Variants in DNAJC16 observed in about 807,000 individuals in gnomAD.
The protein encoded by DNAJC16 is dnaJ homolog subfamily C member 16.
In DNAJC16, 76 loss-of-function variants were observed where a neutral mutation model predicts 92.7. The observed-to-expected ratio is 0.82, with a 90% CI of 0.68 to 0.99. The LOEUF (loss-of-function observed/expected upper bound fraction) is 0.99, where lower values mean the gene tolerates loss of function less well. DNAJC16 is among the 50% of genes least tolerant of loss of function. The pLI is 0.00. For synonymous variants in DNAJC16, 328 were observed against 358.7 expected, an observed-to-expected ratio of 0.91 and a Z score of 0.97; for missense variants, 869 against 942.4, an observed-to-expected ratio of 0.92 and a Z score of 1.02.
At chr1:15,566,367 G>A (rs1638808115) in intron 13 of DNAJC16, 187 bp downstream of exon 13, 1 of 574,548 alleles carries the variant, frequency 1.7e-6, no homozygotes. Flanking sequence ...GTGTTTAGAT[G>A]CCTTAGATTT....
At chr1:15,555,917 G>GA (rs1638559389) in intron 7 of DNAJC16, among the ~76,000 whole-genome samples, 1 of 151,352 alleles carries the variant, frequency 6.6e-6, no homozygotes, top group African/African-American at 2.4e-5. Flanking sequence ...CTTGAACCCA[G>GA]GAGGCGGAGG....
Position 15,568,441 on chromosome 1 carries a change from C to A in DNAJC16, c.*264C>A. 1 of 523,844 alleles carries A rather than the reference C, an allele frequency of 1.9e-6. No homozygotes were observed. Among genetic ancestry groups the A allele is most frequent in the South Asian group, 3.3e-5 (1 of 30,722 alleles). The allele number at this position is 523,844 out of a possible 1,614,324, so 32.4% of individuals were successfully genotyped here. A position where few individuals can be genotyped will look rare whatever the true frequency, so the allele number is the denominator to read the frequency against. Reference sequence around the variant, plus strand: ...GCCACACCATTGAAAATAGACTGCTCATCCCCTCTTCCTTTCTTGTCCTTG... The same window carrying A: ...GCCACACCATTGAAAATAGACTGCTAATCCCCTCTTCCTTTCTTGTCCTTG... On this transcript the variant is annotated 3_prime_UTR_variant, in exon 15 of 15. Coordinates refer to ENST00000375847, the MANE Select transcript of DNAJC16 (RefSeq NM_015291.4).
chr1:15,566,283 C>G lies in DNAJC16; in HGVS notation c.1778+103C>G, dbSNP rs928757160. Reference sequence around the variant, plus strand: ...AACATAGAGTGTAGAGAAGAACTCTCATGCACCTCCTCCCATGTAAACTGT... The same window carrying G: ...AACATAGAGTGTAGAGAAGAACTCTGATGCACCTCCTCCCATGTAAACTGT... On this transcript the variant is annotated intron_variant, in intron 13 of 14. Coordinates refer to ENST00000375847, the MANE Select transcript of DNAJC16 (RefSeq NM_015291.4). The G allele has an allele frequency of 5.7e-5, 51 of 901,740 alleles. No individual in the cohort carries two copies. In the African/African-American group the frequency reaches 7.2e-4, roughly 13 times the overall value. The allele number at this position is 901,740 out of a possible 1,614,324, so 55.9% of individuals were successfully genotyped here.
intron 3 of DNAJC16, 50 bp from the exon 4 acceptor site, chr1:15,536,425 C>A: frequency 1.4e-6 from 2 of 1,458,554 alleles, no homozygotes; most frequent in African/African-American, 1.4e-5. Flanking sequence ...ACAAAAAAGT[C>A]TTTTGGATGA....
chr1:15,534,052 G>A (rs765530940), intron 2 of DNAJC16, among the ~76,000 whole-genome samples, 185 bp from the exon 3 acceptor site: 10 of 152,114 alleles, frequency 6.6e-5, no homozygotes, highest in African/African-American at 1.2e-4. Flanking sequence ...AAAATAGCCT[G>A]TTTCAAAGTT....
intron 7 of DNAJC16, among the ~76,000 whole-genome samples, chr1:15,552,320 T>A (rs1334127515): frequency 6.6e-6 from 1 of 151,590 alleles, no homozygotes; most frequent in Non-Finnish European, 1.5e-5. Context: ...ACCCTGTTTC[T>A]ACTAAAAAAA....
At chr1:15,543,148 T>A (rs926501191) in intron 4 of DNAJC16, among the ~76,000 whole-genome samples, 1 of 152,180 alleles carries the variant, frequency 6.6e-6, no homozygotes, top group Non-Finnish European at 1.5e-5. Flanking sequence ...GCTTACATTC[T>A]AGAAGGGGAG....
chr1:15,529,298 T>C lies in DNAJC16; in HGVS notation c.167+26T>C, dbSNP rs757597035. ...GTAGGTGAAACAAAGAAATAGAGGT[T>C]TAACATAAGCTAAACAGTCTTAGCA... On this transcript the variant is annotated intron_variant, in intron 2 of 14. Coordinates refer to ENST00000375847, the MANE Select transcript of DNAJC16 (RefSeq NM_015291.4). 4 of 1,598,552 alleles carry C rather than the reference T, an allele frequency of 2.5e-6. No individual in the cohort carries two copies. The African/African-American group carries it at 5.4e-5, about 21-fold the overall frequency.
intron 13 of DNAJC16, 176 bp downstream of exon 13, chr1:15,566,356 G>A (rs1638807840): frequency 1.7e-6 from 1 of 600,574 alleles, no homozygotes; most frequent in South Asian, 2.1e-5. Context: ...AGACCCTGTA[G>A]GTGTTTAGAT....
intron 7 of DNAJC16, among the ~76,000 whole-genome samples, chr1:15,554,024 C>T (rs576623454): frequency 7.1e-4 from 108 of 152,106 alleles, no homozygotes; most frequent in African/African-American, 2.4e-3. Context: ...GGCAACATGG[C>T]AAAACCTTGT....
intron 3 of DNAJC16, 112 bp downstream of exon 3, chr1:15,534,415 A>C: frequency 9.1e-7 from 1 of 1,096,866 alleles, no homozygotes; most frequent in Non-Finnish European, 1.3e-6. Flanking sequence ...CCCTTGATGC[A>C]GTTTCTAGAT....
Position 15,550,418 on chromosome 1 carries a change from C to T in DNAJC16, c.1023+1990C>T, listed in dbSNP as rs146703278. 9.2e-5 allele frequency among the ~76,000 whole-genome samples: 14 copies of T among 152,320 alleles called. No homozygotes were observed. The East Asian group carries it at 2.3e-3, about 25-fold the overall frequency. ...TGCTTAACAAACTCAGTTTTCACAA[C>T]AGCAGGTGGCTTAATGATCACTAGT... is the stretch of plus-strand genomic sequence containing the variant. On this transcript the variant is annotated intron_variant, in intron 7 of 14. Coordinates refer to ENST00000375847, the MANE Select transcript of DNAJC16 (RefSeq NM_015291.4).
At chr1:15,559,296 A>C (rs947550826) in intron 7 of DNAJC16, among the ~76,000 whole-genome samples, 3 of 152,146 alleles carry the variant, frequency 2.0e-5, no homozygotes, top group Admixed American at 2.0e-4. Flanking sequence ...TCCAGTGGAA[A>C]GTGTACTTGA....
At chr1:15,552,764 TTATTTA>T (rs1638475335) in intron 7 of DNAJC16, among the ~76,000 whole-genome samples, 1 of 149,674 alleles carries the variant, frequency 6.7e-6, no homozygotes, top group Non-Finnish European at 1.5e-5. Context: ...TTTATTATTA[TTATTTA>T]TTTTTTTTTT....
rs1553147236 is a variant in DNAJC16, at chr1:15,544,158, A to ACACACACACACACACACACACG, written c.575-220_575-219insGCACACACACACACACACACAC. Among the ~76,000 whole-genome samples the ACACACACACACACACACACACG allele has an allele frequency of 1.2e-3, 92 of 74,572 alleles. 3 individuals are homozygous for ACACACACACACACACACACACG. The highest frequency in any genetic ancestry group is 4.0e-3 in the African/African-American group (91 of 22,610). The allele number at this position is 74,572 out of a possible 152,430, so 48.9% of individuals were successfully genotyped here. A position where few individuals can be genotyped will look rare whatever the true frequency, so the allele number is the denominator to read the frequency against. On this transcript the variant is annotated intron_variant, in intron 4 of 14. Coordinates refer to ENST00000375847, the MANE Select transcript of DNAJC16 (RefSeq NM_015291.4). ...TTGTTTTATGTATATGCATACACACACACACACACACACACACACACACAC... is the reference window on the plus strand; with the variant it reads ...TTGTTTTATGTATATGCATACACACACACACACACACACACACACACGCACACACACACACACACACACACAC...
intron 1 of DNAJC16, among the ~76,000 whole-genome samples, chr1:15,528,861 T>C (rs1710585288): frequency 6.6e-6 from 1 of 152,244 alleles, no homozygotes; most frequent in South Asian, 2.1e-4. Flanking sequence ...TCTGGAGAGT[T>C]GCTATTCTTA....
rs545415913 is a variant in DNAJC16 at position 15,548,781 on chromosome 1, G to A, written c.1023+353G>A. The stretch of plus-strand genomic sequence containing the variant: ...ATTTATCTGATCTTAAGGTAGGAAA[G>A]GGTTAAAAAGCATTGGGGAAAAATC... On this transcript the variant is annotated intron_variant, in intron 7 of 14. Transcript: ENST00000375847. Among the ~76,000 whole-genome samples, 3 of 152,168 alleles carry A rather than the reference G, an allele frequency of 2.0e-5. No individual in the cohort carries two copies. The East Asian group carries it at 5.8e-4, about 29-fold the overall frequency.
chr1:15,538,501 T>C (rs776448567), intron 4 of DNAJC16, among the ~76,000 whole-genome samples: 89 of 151,852 alleles, frequency 5.9e-4, no homozygotes, highest in Non-Finnish European at 1.2e-3. Flanking sequence ...GCGGATCACC[T>C]GAGGTCAGTA....
At position 15,536,572 on chromosome 1, in the gene DNAJC16, G is replaced by A. The variant is rs539305349; in HGVS notation, c.332G>A (p.Arg111His). 12 of 1,614,148 alleles carry A rather than the reference G, an allele frequency of 7.4e-6. No individual in the cohort carries two copies. Among genetic ancestry groups the A allele is most frequent in the Middle Eastern group, 1.6e-4 (1 of 6,062 alleles). ...AAGCAGCAACAGCAGCGAGAGTATC[G>A]CTTCCGCCATTTCCATGAAAATTTT... ...YQKQQQQREYRFRHFHENFYF... is the reference protein window; with the variant it reads ...YQKQQQQREYHFRHFHENFYF... The change falls in exon 4 of 15, where the codon CGC (arginine) becomes CAC (histidine). Residue 111 changes from arginine to histidine, a missense_variant. Physicochemically the swap from Arg to His is conservative, Grantham distance 29. Transcript: ENST00000375847.
Sources: allele counts gnomAD v4.1 joint callset (sites outside exome capture counted in the v4.1 genomes callset), GRCh38; gene constraint gnomAD v4.1.1; transcripts MANE v1.5; gene names NCBI Gene and HGNC (gene_info 2026-07-23, HGNC 2026-07-21).